LRCH1: variants seen among roughly 807,000 people sequenced by gnomAD.
LRCH1 encodes the protein leucine-rich repeat and calponin homology domain-containing protein 1.
Under a neutral mutation model 94.9 loss-of-function variants are expected in LRCH1, and 23 were observed. The observed-to-expected ratio is 0.24, with a 90% CI of 0.17 to 0.34. The LOEUF is 0.34. Ranked by LOEUF, LRCH1 falls within the 10% of genes least tolerant of loss-of-function variation. LRCH1 has a pLI of 1.00. For missense variants in LRCH1, 790 were observed against 945.9 expected, an observed-to-expected ratio of 0.84 and a Z score of 2.16; for synonymous variants, 364 against 354.9, an observed-to-expected ratio of 1.03 and a Z score of -0.29.
chr13:46,610,037 A>G (rs2050730893), intron 1 of LRCH1, among the ~76,000 whole-genome samples: 1 of 152,200 alleles, frequency 6.6e-6, no homozygotes, highest in Non-Finnish European at 1.5e-5. Context: ...CCTTTTTGTC[A>G]TGGCCGGCAG....
intron 16 of LRCH1, among the ~76,000 whole-genome samples, chr13:46,722,959 C>T (rs9567721): frequency 0.46 from 69,915 of 152,040 alleles, 18,253 homozygotes; most frequent in Non-Finnish European, 0.58. Context: ...GGAATGGTCC[C>T]AGTGACCCAG....
intron 1 of LRCH1, among the ~76,000 whole-genome samples, chr13:46,589,523 A>T (rs1237094987): frequency 2.6e-5 from 4 of 151,168 alleles, no homozygotes; most frequent in African/African-American, 2.4e-5. Context: ...CACAGTGCTC[A>T]TGCATTGCAA....
chr13:46,746,211 T>C (rs1261740253), downstream of LRCH1, among the ~76,000 whole-genome samples: 1 of 152,218 alleles, frequency 6.6e-6, no homozygotes, highest in East Asian at 1.9e-4. Context: ...ATTAGTTTTC[T>C]CATCTGTGAA....
chr13:46,635,457 C>T (rs1378666507), intron 1 of LRCH1, among the ~76,000 whole-genome samples: 2 of 148,994 alleles, frequency 1.3e-5, no homozygotes, highest in African/African-American at 5.0e-5. Context: ...AAGATCCGGT[C>T]CCCTCCCACC....
intron 1 of LRCH1, among the ~76,000 whole-genome samples, chr13:46,581,792 T>G (rs1231670501): frequency 6.6e-6 from 1 of 152,248 alleles, no homozygotes; most frequent in African/African-American, 2.4e-5. Context: ...GCCATCAATA[T>G]TCCACCTTCT....
At chr13:46,717,903 G>A (rs17068693) in intron 16 of LRCH1, among the ~76,000 whole-genome samples, 96 of 152,134 alleles carry the variant, frequency 6.3e-4, no homozygotes, top group African/African-American at 1.8e-3. Flanking sequence ...GGCAACCTGG[G>A]TAGAAGGTCC....
chr13:46,692,898 G>A lies in LRCH1; in HGVS notation c.1120+257G>A, dbSNP rs4284534. Among the ~76,000 whole-genome samples the A allele has an allele frequency of 0.75, 114,279 of 151,886 alleles. 43,143 individuals carry two copies. The highest frequency in any genetic ancestry group is 0.92 in the East Asian group (4,757 of 5,178). On this transcript the variant is annotated intron_variant, in intron 8 of 19. Coordinates refer to ENST00000389797, the MANE Select transcript of LRCH1 (RefSeq NM_001164211.2). Reference sequence around the variant, plus strand: ...ACTTGCCATTGGTCACATAGCTGATGTGTGTGTAGTACTACTTCCTACGGT... The same window carrying A: ...ACTTGCCATTGGTCACATAGCTGATATGTGTGTAGTACTACTTCCTACGGT...
At chr13:46,675,060 G>A (rs544497215) in intron 3 of LRCH1, among the ~76,000 whole-genome samples, 61 of 152,324 alleles carry the variant, frequency 4.0e-4, no homozygotes, top group Middle Eastern at 3.4e-3. Context: ...GTGGAACCAA[G>A]AGTCAGGGAA....
intron 1 of LRCH1, among the ~76,000 whole-genome samples, chr13:46,632,112 A>C (rs1434621078): frequency 2.0e-5 from 3 of 152,162 alleles, no homozygotes; most frequent in African/African-American, 7.2e-5. Context: ...CTGAGGCAGC[A>C]GAATTGTTTG....
chr13:46,655,607 T>TA (rs1397817168), intron 2 of LRCH1, among the ~76,000 whole-genome samples: 2 of 152,346 alleles, frequency 1.3e-5, no homozygotes, highest in African/African-American at 4.8e-5. Flanking sequence ...GAACCTGAGT[T>TA]ACACAGGAAA....
At chr13:46,713,760 C>G (rs963754741) in intron 15 of LRCH1, among the ~76,000 whole-genome samples, 1 of 152,186 alleles carries the variant, frequency 6.6e-6, no homozygotes, top group Non-Finnish European at 1.5e-5. Context: ...GTTTTCCTTT[C>G]CACGGTCTCA....
At chr13:46,622,817 C>G (rs913326978) in intron 1 of LRCH1, among the ~76,000 whole-genome samples, 6 of 152,196 alleles carry the variant, frequency 3.9e-5, no homozygotes, top group Admixed American at 1.3e-4. Context: ...GTTAGGAGCA[C>G]TGTGATAAAG....
chr13:46,601,404 A>AAAGTTCTTT (rs1277870119), intron 1 of LRCH1, among the ~76,000 whole-genome samples: 2 of 152,232 alleles, frequency 1.3e-5, no homozygotes, highest in African/African-American at 4.8e-5. Context: ...ATTGCAGGAA[A>AAAGTTCTTT]AAGTTCTTTA....
intron 18 of LRCH1, among the ~76,000 whole-genome samples, chr13:46,750,102 A>G (rs1235513037): frequency 1.3e-5 from 2 of 152,218 alleles, no homozygotes; most frequent in Admixed American, 1.3e-4. Flanking sequence ...AAATGAACTC[A>G]ATGAAGTTCT....
chr13:46,683,329 CTTTCTCATACTGACTAGCATTTTAG>C (rs1870438926), intron 4 of LRCH1, among the ~76,000 whole-genome samples: 1 of 152,206 alleles, frequency 6.6e-6, no homozygotes, highest in South Asian at 2.1e-4. Context: ...CATCTTTCAC[CTTTCTCATACTGACTAGCATTTTAG>C]AGAAGCAGAG....
chr13:46,679,959 G>T (rs1566220614), intron 3 of LRCH1: 1 of 152,276 alleles, frequency 6.6e-6, no homozygotes, highest in Non-Finnish European at 1.5e-5. Flanking sequence ...TGGTCTAAAT[G>T]TGGAGCCTGG....
intron 1 of LRCH1, among the ~76,000 whole-genome samples, chr13:46,582,370 CTTTTTTTT>C (rs10686269): frequency 3.1e-4 from 25 of 79,600 alleles, no homozygotes; most frequent in African/African-American, 1.1e-3. Context: ...TTGCTCTCAT[CTTTTTTTT>C]TTTTTTTTTT....
At chr13:46,712,693 C>T (rs754995221) in intron 15 of LRCH1, 96 bp downstream of exon 15, 110 of 1,145,018 alleles carry the variant, frequency 9.6e-5, no homozygotes, top group Middle Eastern at 2.0e-4. Flanking sequence ...ACATCCTTGT[C>T]AGTTCTGCTG....
intron 16 of LRCH1, among the ~76,000 whole-genome samples, chr13:46,720,304 G>A (rs769854340): frequency 2.1e-4 from 32 of 151,388 alleles, no homozygotes; most frequent in Non-Finnish European, 1.2e-4. Flanking sequence ...GGAGAATCGC[G>A]TGAGCCCAGG....
Sources: allele counts gnomAD v4.1 joint callset (sites outside exome capture counted in the v4.1 genomes callset), GRCh38; gene constraint gnomAD v4.1.1; transcripts MANE v1.5; gene names NCBI Gene and HGNC (gene_info 2026-07-23, HGNC 2026-07-21).